STPG2: variants seen among roughly 807,000 people sequenced by gnomAD.
STPG2 encodes the protein sperm-tail PG-rich repeat-containing protein 2.
In STPG2, 56 loss-of-function variants were observed where a neutral mutation model predicts 54.2. The observed-to-expected ratio is 1.03, with a 90% CI of 0.83 to 1.29. The LOEUF is 1.29. Ranked by LOEUF, STPG2 falls within the 50% of genes most tolerant of loss-of-function variation. STPG2 has a pLI of 0.00. For synonymous variants in STPG2, 200 were observed against 181.8 expected, an observed-to-expected ratio of 1.10 and a Z score of -0.81; for missense variants, 596 against 544.9, an observed-to-expected ratio of 1.09 and a Z score of -0.93.
At chr4:98,059,862 AC>A (rs752682649) in intron 5 of STPG2, among the ~76,000 whole-genome samples, 1 of 152,108 alleles carries the variant, frequency 6.6e-6, no homozygotes, top group Non-Finnish European at 1.5e-5. Context: ...AAAATTCAAT[AC>A]CCCTTTGTGT....
intron 10 of STPG2, among the ~76,000 whole-genome samples, chr4:97,578,021 T>C (rs1732765914): frequency 6.6e-6 from 1 of 152,062 alleles, no homozygotes; most frequent in Non-Finnish European, 1.5e-5. Flanking sequence ...CAAGAAGATA[T>C]TACGAATATA....
intron 7 of STPG2, among the ~76,000 whole-genome samples, chr4:97,945,362 C>T (rs1007747336): frequency 6.6e-6 from 1 of 152,128 alleles, no homozygotes; most frequent in African/African-American, 2.4e-5. Flanking sequence ...CCTCCAGCTC[C>T]ATCCAAGTTG....
chr4:97,739,325 C>T (rs1048329133), intron 9 of STPG2, among the ~76,000 whole-genome samples: 103 of 152,154 alleles, frequency 6.8e-4, no homozygotes, highest in Non-Finnish European at 1.0e-3. Context: ...AGAGCAAACA[C>T]ATTCAAAAGC....
intron 10 of STPG2, among the ~76,000 whole-genome samples, chr4:97,660,691 G>A (rs1722352193): frequency 6.6e-6 from 1 of 152,070 alleles, no homozygotes; most frequent in African/African-American, 2.4e-5. Context: ...GGTCAGGGAT[G>A]GTACAAAGTG....
intron 5 of STPG2, among the ~76,000 whole-genome samples, chr4:98,035,433 TA>T (rs1272206345): frequency 6.6e-6 from 1 of 151,786 alleles, no homozygotes; most frequent in Admixed American, 6.6e-5. Flanking sequence ...AGGCGATCAT[TA>T]AAAGTCAGGA....
chr4:97,903,689 G>A (rs190968112), intron 8 of STPG2, among the ~76,000 whole-genome samples: 295 of 152,310 alleles, frequency 1.9e-3, no homozygotes, highest in African/African-American at 7.0e-3. Flanking sequence ...CTGAGGTACT[G>A]GGTTCATCTC....
At chr4:98,020,214 GT>G (rs1736129151) in intron 5 of STPG2, among the ~76,000 whole-genome samples, 1 of 132,566 alleles carries the variant, frequency 7.5e-6, no homozygotes, top group Admixed American at 7.3e-5. Flanking sequence ...TTTATTGAGA[GT>G]TTTTAGCATG....
chr4:98,000,626 A>G (rs1735383773), intron 5 of STPG2, among the ~76,000 whole-genome samples: 1 of 152,220 alleles, frequency 6.6e-6, no homozygotes, highest in Non-Finnish European at 1.5e-5. Flanking sequence ...GTAAACAAAC[A>G]TGCTCTATGT....
chr4:97,882,589 C>T (rs767531203), intron 8 of STPG2, among the ~76,000 whole-genome samples: 22 of 152,110 alleles, frequency 1.4e-4, no homozygotes, highest in Non-Finnish European at 3.1e-4. Context: ...CTACCCAATG[C>T]CCCTCATACC....
Position 97,694,453 on chromosome 4 carries a change from G to GAA in STPG2, c.1320+18244_1320+18245dup, listed in dbSNP as rs35072381. On this transcript the variant is annotated intron_variant, in intron 10 of 10. Transcript: ENST00000295268. ...TATAAGACCCTCCTAGATTAAAACA[G>GAA]AAAAAAAAATAGAAATGTTGAACAG... Among the ~76,000 whole-genome samples, 114 of 150,368 alleles carry GAA rather than the reference G, an allele frequency of 7.6e-4. No individual in the cohort carries two copies. In the South Asian group the frequency reaches 0.018, roughly 24 times the overall value.
At chr4:97,903,610 C>T (rs1301635258) in intron 8 of STPG2, among the ~76,000 whole-genome samples, 2 of 152,108 alleles carry the variant, frequency 1.3e-5, no homozygotes, top group Non-Finnish European at 2.9e-5. Flanking sequence ...GGGAAGGAGC[C>T]AAGATGGCCG....
At chr4:98,044,262 AC>A (rs1737056864) in intron 5 of STPG2, among the ~76,000 whole-genome samples, 1 of 152,116 alleles carries the variant, frequency 6.6e-6, no homozygotes, top group South Asian at 2.1e-4. Flanking sequence ...CTATGTATTT[AC>A]CTTTACCAAC....
intron 4 of STPG2, among the ~76,000 whole-genome samples, chr4:97,539,148 A>C (rs976834550): frequency 2.0e-5 from 3 of 152,214 alleles, no homozygotes; most frequent in African/African-American, 7.2e-5. Flanking sequence ...CGAGCAAAAT[A>C]ACCAGCTAAC....
At chr4:98,134,971 T>G (rs1401798214) in intron 1 of STPG2, among the ~76,000 whole-genome samples, 1 of 151,822 alleles carries the variant, frequency 6.6e-6, no homozygotes, top group Non-Finnish European at 1.5e-5. Context: ...TGGCTGACCC[T>G]AAACAAAGGT....
chr4:97,578,889 C>A (rs1732791101), intron 10 of STPG2, among the ~76,000 whole-genome samples: 1 of 152,094 alleles, frequency 6.6e-6, no homozygotes, highest in African/African-American at 2.4e-5. Flanking sequence ...CAGGCCTCCA[C>A]TGGCTAGGAA....
At chr4:98,002,074 G>A (rs1184512647) in intron 5 of STPG2, among the ~76,000 whole-genome samples, 1 of 152,004 alleles carries the variant, frequency 6.6e-6, no homozygotes, top group Non-Finnish European at 1.5e-5. Flanking sequence ...TGATCAATGA[G>A]TTGGCATTTT....
At chr4:98,073,431 A>T (rs1218374263) in intron 5 of STPG2, among the ~76,000 whole-genome samples, 1 of 151,822 alleles carries the variant, frequency 6.6e-6, no homozygotes, top group African/African-American at 2.4e-5. Flanking sequence ...ATGATAGAAA[A>T]AATAATAAAA....
chr4:97,913,379 T>C (rs1731753116), intron 8 of STPG2, among the ~76,000 whole-genome samples: 1 of 152,172 alleles, frequency 6.6e-6, no homozygotes, highest in African/African-American at 2.4e-5. Context: ...AAAAACTGAT[T>C]GGTTTTGGAT....
At chr4:97,990,649 G>T (rs186209864) in intron 5 of STPG2, among the ~76,000 whole-genome samples, 13 of 152,212 alleles carry the variant, frequency 8.5e-5, no homozygotes, top group African/African-American at 3.1e-4. Flanking sequence ...CACTACCATA[G>T]CATCTTTTAG....
Sources: gnomAD v4.1 joint callset for allele counts (sites outside exome capture counted in the v4.1 genomes callset) on GRCh38, gnomAD v4.1.1 for gene constraint, MANE v1.5 for transcripts, NCBI Gene and HGNC (gene_info 2026-07-23, HGNC 2026-07-21) for gene names.